Variants in THEMIS observed in about 807,000 individuals in gnomAD.
THEMIS encodes thymocyte selection associated.
In THEMIS, 37 loss-of-function variants were observed where a neutral mutation model predicts 52.6. That is an observed-to-expected ratio of 0.70 (90% CI 0.54 to 0.93). THEMIS has a LOEUF of 0.93. THEMIS is among the 40% of genes least tolerant of loss of function. THEMIS has a pLI of 0.00. For synonymous variants in THEMIS, 292 were observed against 272.7 expected (o/e 1.07, Z -0.70); for missense variants, 808 against 763.1 (o/e 1.06, Z -0.69).
intron 2 of THEMIS, among the ~76,000 whole-genome samples, chr6:127,833,339 G>T (rs1419356277): frequency 6.6e-6 from 1 of 152,106 alleles, no homozygotes; most frequent in Non-Finnish European, 1.5e-5. Flanking sequence ...AATTTGTTTA[G>T]AAATTTACAA....
downstream of THEMIS, among the ~76,000 whole-genome samples, chr6:127,703,148 C>T (rs1483779215): frequency 2.8e-5 from 4 of 145,114 alleles, no homozygotes; most frequent in Admixed American, 1.4e-4. Flanking sequence ...CCCGGGTTCA[C>T]GCCATTCTCC....
At chr6:127,699,732 A>C in the THEMIS span, among the ~76,000 whole-genome samples, 1 of 141,772 alleles carries the variant, frequency 7.1e-6, no homozygotes, top group African/African-American at 2.6e-5. Flanking sequence ...CTATTTGGGG[A>C]AAAAAGGAAA....
chr6:127,897,578 C>CT (rs1399095955), intron 1 of THEMIS, among the ~76,000 whole-genome samples: 1 of 151,438 alleles, frequency 6.6e-6, no homozygotes, highest in African/African-American at 2.4e-5. Flanking sequence ...GAGATGAAAA[C>CT]TAAAACCATG....
chr6:127,915,902 G>A (rs142260908), intron 1 of THEMIS, among the ~76,000 whole-genome samples: 5,444 of 152,194 alleles, frequency 0.036, 143 homozygotes, highest in Non-Finnish European at 0.057. Flanking sequence ...CAGGAGAATC[G>A]TTTGAACTCA....
At chr6:127,700,078 A>T in the THEMIS span, among the ~76,000 whole-genome samples, 1 of 151,888 alleles carries the variant, frequency 6.6e-6, no homozygotes, top group Non-Finnish European at 1.5e-5. Flanking sequence ...TGTATTTAAT[A>T]TTTATATACA....
At chr6:127,847,069 G>C (rs1448674590) in intron 2 of THEMIS, among the ~76,000 whole-genome samples, 1 of 151,924 alleles carries the variant, frequency 6.6e-6, no homozygotes, top group Non-Finnish European at 1.5e-5. Context: ...AAAAGCATTT[G>C]ATAAAATTCA....
intron 4 of THEMIS, among the ~76,000 whole-genome samples, chr6:127,791,155 G>A (rs1221009165): frequency 6.6e-6 from 1 of 152,194 alleles, no homozygotes; most frequent in African/African-American, 2.4e-5. Flanking sequence ...TTCTTGTACT[G>A]CATCCAGGAA....
At position 127,719,800 on chromosome 6, in the gene THEMIS, C is replaced by G. The variant is rs763910397; in HGVS notation, c.1782G>C (p.Lys594Asn). ...GGCCAGCTTGATTTGGGTGAAGTTT[C>G]TTGGTTATGTCTACGTGATGACGCT... ...SPKRHHVDIT[K>N]KLHPNQAGLD... Residue 594 changes from lysine to asparagine, a missense_variant, in exon 5 of 6, where the codon AAG becomes AAC. By Grantham distance (94) the Lys-to-Asn change is moderately conservative. Coordinates refer to ENST00000368248, the MANE Select transcript of THEMIS (RefSeq NM_001010923.3). 8.1e-6 allele frequency: 13 copies of G among 1,612,290 alleles called. No homozygotes were observed. The highest frequency in any genetic ancestry group is 6.7e-5 in the Admixed American group (4 of 59,846).
intron 1 of THEMIS, among the ~76,000 whole-genome samples, chr6:127,915,179 T>C (rs1166559339): frequency 6.7e-6 from 1 of 148,438 alleles, no homozygotes; most frequent in Non-Finnish European, 1.5e-5. Flanking sequence ...TTATCATACT[T>C]CCCCTTTGGA....
chr6:127,856,854 C>G (rs887995837), intron 1 of THEMIS, among the ~76,000 whole-genome samples: 2 of 151,972 alleles, frequency 1.3e-5, no homozygotes, highest in African/African-American at 4.8e-5. Flanking sequence ...CCCCAATTGA[C>G]TCTGAATGGT....
chr6:127,820,002 G>C (rs1332281226), intron 3 of THEMIS, among the ~76,000 whole-genome samples: 1 of 152,098 alleles, frequency 6.6e-6, no homozygotes, highest in Non-Finnish European at 1.5e-5. Flanking sequence ...TGACAGTACT[G>C]TTTTAAGAGA....
At chr6:127,810,201 T>C (rs1331183096) in intron 4 of THEMIS, among the ~76,000 whole-genome samples, 1 of 148,498 alleles carries the variant, frequency 6.7e-6, no homozygotes, top group African/African-American at 2.4e-5. Context: ...AATTTTAACC[T>C]TTTTTTTTCC....
intron 4 of THEMIS, among the ~76,000 whole-genome samples, chr6:127,774,745 C>G (rs1009738503): frequency 1.3e-5 from 2 of 152,150 alleles, no homozygotes; most frequent in African/African-American, 4.8e-5. Context: ...TCTGCCTAAA[C>G]CCCCAAATCT....
chr6:127,889,305 A>G (rs1780735347), intron 1 of THEMIS, among the ~76,000 whole-genome samples: 1 of 152,134 alleles, frequency 6.6e-6, no homozygotes, highest in South Asian at 2.1e-4. Context: ...CATGTACTCA[A>G]AAGAGGTGGA....
At chr6:127,696,820 T>A in the THEMIS span, among the ~76,000 whole-genome samples, 9 of 152,140 alleles carry the variant, frequency 5.9e-5, no homozygotes, top group Non-Finnish European at 1.3e-4. Flanking sequence ...CATGTGTATG[T>A]CTAATGTCCA....
intron 4 of THEMIS, among the ~76,000 whole-genome samples, chr6:127,774,827 A>T (rs999744642): frequency 2.6e-5 from 4 of 152,214 alleles, no homozygotes; most frequent in African/African-American, 9.6e-5. Context: ...TGTATTTAGC[A>T]ACTGGCTTCT....
upstream of THEMIS, among the ~76,000 whole-genome samples, chr6:127,906,037 T>C (rs912205432): frequency 7.0e-6 from 1 of 142,846 alleles, no homozygotes; most frequent in African/African-American, 2.8e-5. Flanking sequence ...AATGAAATAA[T>C]TTTTACAAAT....
intron 1 of THEMIS, among the ~76,000 whole-genome samples, chr6:127,907,737 A>G (rs1432290079): frequency 6.6e-6 from 1 of 152,014 alleles, no homozygotes; most frequent in Non-Finnish European, 1.5e-5. Flanking sequence ...ATCATAGTAC[A>G]CCCACCAAAA....
intron 4 of THEMIS, among the ~76,000 whole-genome samples, chr6:127,753,000 A>T (rs977256870): frequency 1.3e-5 from 2 of 151,964 alleles, no homozygotes; most frequent in African/African-American, 4.8e-5. Context: ...GCATGCAAGG[A>T]TGCTTCAACA....
Sources: allele counts gnomAD v4.1 joint callset (sites outside exome capture counted in the v4.1 genomes callset), GRCh38; gene constraint gnomAD v4.1.1; transcripts MANE v1.5; gene names NCBI Gene and HGNC (gene_info 2026-07-23, HGNC 2026-07-21).